The following MROH7 variants were observed in gnomAD, a reference collection of about 807,000 sequenced individuals.
The protein encoded by MROH7 is maestro heat-like repeat-containing protein family member 7.
A neutral mutation model predicts 129.2 loss-of-function variants in MROH7; 113 were observed. The observed-to-expected ratio is 0.87, with a 90% CI of 0.75 to 1.02. The LOEUF (loss-of-function observed/expected upper bound fraction) is 1.02, where lower values mean the gene tolerates loss of function less well. MROH7 is among the 50% of genes least tolerant of loss of function. MROH7 has a pLI of 0.00. For missense variants in MROH7, 1,601 were observed against 1,671.3 expected, an observed-to-expected ratio of 0.96 and a Z score of 0.73; for synonymous variants, 655 against 667.9, an observed-to-expected ratio of 0.98 and a Z score of 0.30.
chr1:54,670,415 C>A, intron 5 of MROH7, 82 bp from the exon 6 acceptor site: 5 of 1,226,286 alleles, frequency 4.1e-6, no homozygotes, highest in South Asian at 1.4e-5. Flanking sequence ...CTGTGACCTG[C>A]TCCTTGTGAC....
intron 10 of MROH7, among the ~76,000 whole-genome samples, chr1:54,674,865 C>A (rs1202987568): frequency 1.3e-5 from 2 of 152,306 alleles, no homozygotes; most frequent in East Asian, 3.9e-4. Flanking sequence ...GTAGAATGAC[C>A]TTTGCATAAG....
At chr1:54,675,267 T>C (rs662838) in intron 10 of MROH7, among the ~76,000 whole-genome samples, 127,980 of 152,274 alleles carry the variant, frequency 0.84, 54,117 homozygotes, top group East Asian at 1. Context: ...GGAGCCACCA[T>C]GCCTAGCCTA....
intron 15 of MROH7, among the ~76,000 whole-genome samples, chr1:54,688,219 CAA>C (rs1186787702): frequency 8.4e-6 from 1 of 118,956 alleles, no homozygotes; most frequent in Non-Finnish European, 1.7e-5. Flanking sequence ...GACTCCGTCT[CAA>C]AAAAAAAAAA....
rs12094920 is a variant in MROH7 at position 54,653,794 on chromosome 1, G to A, written c.868G>A (p.Val290Met). 4,565 of 1,614,148 alleles carry A rather than the reference G, an allele frequency of 2.8e-3. 98 individuals carry two copies. In the African/African-American group the frequency reaches 0.048, roughly 17 times the overall value. The change falls in exon 3 of 24, where the codon GTG (valine) becomes ATG (methionine). Residue 290 changes from valine (V) to methionine (M), a missense_variant. Transcript: ENST00000421030. ...SSGHSRSDLS[V>M]TITQASYVTL... ...CGGCCACTCCAGATCTGATTTGAGC[G>A]TGACCATCACTCAAGCCTCGTATGT...
intron 1 of MROH7, among the ~76,000 whole-genome samples, chr1:54,647,741 GAA>G (rs34697494): frequency 7.1e-6 from 1 of 141,324 alleles, no homozygotes; most frequent in Non-Finnish European, 1.5e-5. Context: ...ACTCTGTATT[GAA>G]AAAAAAAAAA....
chr1:54,682,697 C>T lies in MROH7; in HGVS notation c.2423C>T (p.Pro808Leu), dbSNP rs749507381. The change falls in exon 14 of 24, where the codon CCC (proline) becomes CTC (leucine). Residue 808 changes from proline (P) to leucine (L), a missense_variant. Coordinates refer to ENST00000421030, the MANE Select transcript of MROH7 (RefSeq NM_001039464.4). Reference sequence around the variant, plus strand: ...TGGAGGCAGCTGATACTGTGTAAGCCCAGCTGTGATGTCCGAGACCTCCTG... The same window carrying T: ...TGGAGGCAGCTGATACTGTGTAAGCTCAGCTGTGATGTCCGAGACCTCCTG... ...EMWRQLILCK[P>L]SCDVRDLLDL... 1.2e-6 allele frequency: 2 copies of T among 1,614,070 alleles called. No individual in the cohort carries two copies. Among genetic ancestry groups the T allele is most frequent in the Middle Eastern group, 3.3e-4 (2 of 6,062 alleles).
At chr1:54,667,616 C>T (rs568437994) in intron 4 of MROH7, among the ~76,000 whole-genome samples, 46 of 152,014 alleles carry the variant, frequency 3.0e-4, no homozygotes, top group South Asian at 6.3e-4. Context: ...CCACCATGCC[C>T]GGCTAATTTT....
At chr1:54,708,488 C>T (rs367583531) in intron 22 of MROH7, among the ~76,000 whole-genome samples, 1 of 152,100 alleles carries the variant, frequency 6.6e-6, no homozygotes, top group African/African-American at 2.4e-5. Context: ...ATTTAAGGAC[C>T]TGCAAATACT....
intron 17 of MROH7, chr1:54,699,979 A>T: frequency 3.2e-6 from 2 of 620,350 alleles, no homozygotes; most frequent in Non-Finnish European, 5.9e-6. Flanking sequence ...CAGCCTGGGT[A>T]GTTCAGAGAA....
chr1:54,697,587 C>G (rs545875227), intron 17 of MROH7: 1 of 652,516 alleles, frequency 1.5e-6, no homozygotes, highest in East Asian at 2.8e-5. Flanking sequence ...CCATTACTTA[C>G]AGGCCTACTA....
chr1:54,663,684 C>CAA, intron 3 of MROH7: 1 of 338,772 alleles, frequency 3.0e-6, no homozygotes, highest in Non-Finnish European at 5.5e-6. Flanking sequence ...CCCATCAGCT[C>CAA]TAAAAAAAAA....
Position 54,706,591 on chromosome 1 carries a change from G to T in MROH7, c.3667+54G>T. The T allele has an allele frequency of 3.6e-6, 5 of 1,385,230 alleles. 1 individual carries two copies. In the South Asian group the frequency reaches 4.6e-5, roughly 13 times the overall value. The allele number at this position is 1,385,230 out of a possible 1,614,324, so 85.8% of individuals were successfully genotyped here. ...CTGCCAGGGCTCTGCCTGCTCTCCA[G>T]TTTGTTTCCTCCCAGGCTGCTAGCC... On this transcript the variant is annotated intron_variant, in intron 22 of 23. Coordinates refer to ENST00000421030, the MANE Select transcript of MROH7 (RefSeq NM_001039464.4).
chr1:54,707,558 A>G (rs574169453), intron 22 of MROH7, among the ~76,000 whole-genome samples: 1 of 152,282 alleles, frequency 6.6e-6, no homozygotes, highest in Non-Finnish European at 1.5e-5. Flanking sequence ...AATGCTCAGG[A>G]CTGGAGGAAT....
At chr1:54,667,008 G>A (rs1313471659) in intron 4 of MROH7, among the ~76,000 whole-genome samples, 1 of 152,168 alleles carries the variant, frequency 6.6e-6, no homozygotes, top group Non-Finnish European at 1.5e-5. Context: ...ACACCATATT[G>A]TGGGGTATCA....
chr1:54,659,837 G>GT (rs1557696316), intron 3 of MROH7, among the ~76,000 whole-genome samples: 1 of 152,142 alleles, frequency 6.6e-6, no homozygotes, highest in African/African-American at 2.4e-5. Context: ...ATAGTAGATT[G>GT]TTTTTTGGTG....
Position 54,709,014 on chromosome 1 carries a change from G to T in MROH7, c.3668G>T (p.Gly1223Val). ...CCTCACTTCTTGGATTACGCTCAAG[G>T]GTCCCTGGTCCCCTGCATGGAGAGC... ...SLRKCSVMFI[G>V]SLVPCMESIM... Residue 1223 changes from glycine (G) to valine (V), a missense_variant and splice_region_variant, in exon 23 of 24, where the codon GGG (glycine) becomes GTG (valine). Gly to Val is a moderately radical substitution (Grantham distance 109, BLOSUM62 -3). Coordinates refer to ENST00000421030, the MANE Select transcript of MROH7 (RefSeq NM_001039464.4). 6 of 1,614,198 alleles carry T rather than the reference G, an allele frequency of 3.7e-6. No individual in the cohort carries two copies. The highest frequency in any genetic ancestry group is 5.1e-6 in the Non-Finnish European group (6 of 1,180,018).
At chr1:54,670,667 ACCCGCCCCCAC>A in intron 6 of MROH7, 91 bp downstream of exon 6, 1 of 960,102 alleles carries the variant, frequency 1.0e-6, no homozygotes, top group Non-Finnish European at 1.5e-6. Context: ...CCCTCCCCCA[ACCCGCCCCCAC>A]CCCTCGCCCG....
rs1426952467 is a variant in MROH7 at position 54,653,036 on chromosome 1, C to T, written c.110C>T (p.Pro37Leu). ...PGLGSGTIPQ[P>L]HPDMAQVPML... ...TTAGGGTCTGGTACCATCCCTCAGC[C>T]CCACCCAGACATGGCTCAGGTGCCT... is the stretch of plus-strand genomic sequence containing the variant. Residue 37 changes from proline (P) to leucine (L), a missense_variant, in exon 3 of 24, where the codon CCC becomes CTC. Coordinates refer to ENST00000421030, the MANE Select transcript of MROH7 (RefSeq NM_001039464.4). The T allele has an allele frequency of 1.2e-6, 2 of 1,614,074 alleles. No individual in the cohort carries two copies. Among genetic ancestry groups the T allele is most frequent in the Non-Finnish European group, 1.7e-6 (2 of 1,180,036 alleles).
At chr1:54,690,226 G>A (rs1219769667) in intron 15 of MROH7, among the ~76,000 whole-genome samples, 2 of 148,252 alleles carry the variant, frequency 1.3e-5, no homozygotes, top group South Asian at 2.2e-4. Context: ...CAGCACGGGC[G>A]CCATTTGGGC....
Sources: allele counts gnomAD v4.1 joint callset (sites outside exome capture counted in the v4.1 genomes callset), GRCh38; gene constraint gnomAD v4.1.1; transcripts MANE v1.5; gene names NCBI Gene and HGNC (gene_info 2026-07-23, HGNC 2026-07-21).